The following EYS variants were observed in gnomAD, a reference collection of about 807,000 sequenced individuals.
EYS encodes EGF-like photoreceptor maintenance factor, also known as protein eyes shut homolog.
A neutral mutation model predicts 282.1 loss-of-function variants in EYS; 250 were observed. The ratio of observed to expected loss-of-function variants is 0.89; its 90% CI spans 0.80 to 0.98. The LOEUF is 0.98. Among genes scored for constraint, EYS ranks in the 50% least tolerant of loss-of-function variants. The pLI is 0.00. For synonymous variants in EYS, 1,355 were observed against 1,282.9 expected (o/e 1.06, Z -1.20); for missense variants, 4,016 against 3,709.0 (o/e 1.08, Z -2.15).
chr6:64,136,049 A>T (rs146968406), intron 31 of EYS, among the ~76,000 whole-genome samples: 1 of 152,010 alleles, frequency 6.6e-6, no homozygotes, highest in East Asian at 1.9e-4. Context: ...AAACCTTGCC[A>T]CTGCTTTATC....
chr6:63,844,673 G>T (rs1331428210), intron 36 of EYS, among the ~76,000 whole-genome samples: 1 of 151,238 alleles, frequency 6.6e-6, no homozygotes, highest in African/African-American at 2.4e-5. Flanking sequence ...AGAAGTGTCT[G>T]TTCATATCCT....
intron 2 of EYS, among the ~76,000 whole-genome samples, chr6:65,619,101 T>C (rs1766355438): frequency 6.6e-6 from 1 of 151,808 alleles, no homozygotes; most frequent in African/African-American, 2.4e-5. Context: ...AAGGCATTGG[T>C]AGATTGATTG....
intron 14 of EYS, among the ~76,000 whole-genome samples, chr6:64,959,907 A>G (rs1487947575): frequency 1.4e-5 from 2 of 145,578 alleles, no homozygotes; most frequent in Non-Finnish European, 3.0e-5. Context: ...TTTAAGAAGA[A>G]CCACTGTTAA....
At chr6:65,001,655 C>T (rs963969155) in intron 13 of EYS, among the ~76,000 whole-genome samples, 4 of 147,798 alleles carry the variant, frequency 2.7e-5, no homozygotes, top group Non-Finnish European at 6.1e-5. Context: ...GCATCTTGTA[C>T]CTTCTTCTAC....
intron 35 of EYS, among the ~76,000 whole-genome samples, chr6:63,887,314 G>GTTTTTT (rs35622877): frequency 3.3e-4 from 40 of 120,228 alleles, no homozygotes; most frequent in Admixed American, 3.5e-4. Context: ...AATAAAAGGT[G>GTTTTTT]TTTTTTTTTT....
At chr6:65,075,546 C>T (rs1054863567) in intron 12 of EYS, among the ~76,000 whole-genome samples, 2 of 151,842 alleles carry the variant, frequency 1.3e-5, no homozygotes, top group Non-Finnish European at 2.9e-5. Flanking sequence ...TGAGGAAGTT[C>T]GGGTTAAAGT....
intron 2 of EYS, among the ~76,000 whole-genome samples, chr6:65,619,332 A>C (rs1336427679): frequency 6.6e-6 from 1 of 151,660 alleles, no homozygotes; most frequent in South Asian, 2.1e-4. Flanking sequence ...ATGGGAGTTC[A>C]CTCATGATTT....
chr6:65,582,479 C>G (rs1378621357), intron 2 of EYS, among the ~76,000 whole-genome samples: 1 of 152,126 alleles, frequency 6.6e-6, no homozygotes, highest in Non-Finnish European at 1.5e-5. Flanking sequence ...TTTCAAAGAA[C>G]AAAGGCTAGC....
chr6:64,097,055 T>TGCAGAACA (rs149129463), intron 31 of EYS, among the ~76,000 whole-genome samples: 3,471 of 152,272 alleles, frequency 0.023, 113 homozygotes, highest in African/African-American at 0.07. Context: ...CAGCGGAGGC[T>TGCAGAACA]GCAGAACAGC....
At chr6:64,148,606 G>A (rs1449455969) in intron 31 of EYS, among the ~76,000 whole-genome samples, 1 of 151,888 alleles carries the variant, frequency 6.6e-6, no homozygotes, top group Admixed American at 6.6e-5. Context: ...CCAACTGTTT[G>A]CCTCACTGAC....
chr6:63,861,378 A>T (rs1387999700), intron 36 of EYS, among the ~76,000 whole-genome samples: 3 of 152,322 alleles, frequency 2.0e-5, no homozygotes, highest in Non-Finnish European at 4.4e-5. Flanking sequence ...TGTCCTAGGC[A>T]TAATTATCTT....
intron 26 of EYS, among the ~76,000 whole-genome samples, chr6:64,497,490 A>G (rs1041409149): frequency 6.6e-6 from 1 of 152,148 alleles, no homozygotes; most frequent in Admixed American, 6.6e-5. Flanking sequence ...GATTGCAAGA[A>G]CAAGAAACCC....
chr6:64,793,676 A>T (rs989241655), intron 22 of EYS, among the ~76,000 whole-genome samples: 1 of 152,176 alleles, frequency 6.6e-6, no homozygotes, highest in Non-Finnish European at 1.5e-5. Context: ...AGTGAATATC[A>T]TTGTTCATAG....
At chr6:65,444,133 A>C (rs1768560740) in intron 5 of EYS, among the ~76,000 whole-genome samples, 1 of 152,064 alleles carries the variant, frequency 6.6e-6, no homozygotes, top group Non-Finnish European at 1.5e-5. Context: ...TCAAGGAAAC[A>C]GAGTAGTCAA....
intron 22 of EYS, among the ~76,000 whole-genome samples, chr6:64,699,707 A>G (rs1770713990): frequency 6.6e-6 from 1 of 152,052 alleles, no homozygotes; most frequent in South Asian, 2.1e-4. Flanking sequence ...GCAATAAAAA[A>G]TCTCCCAACC....
chr6:65,568,338 T>C (rs1764356435), intron 2 of EYS, among the ~76,000 whole-genome samples: 1 of 151,006 alleles, frequency 6.6e-6, no homozygotes, highest in South Asian at 2.1e-4. Context: ...CAAGATGGTA[T>C]ATAAGCTTCC....
intron 24 of EYS, among the ~76,000 whole-genome samples, chr6:64,600,934 G>T (rs928418735): frequency 6.6e-6 from 1 of 151,614 alleles, no homozygotes; most frequent in East Asian, 1.9e-4. Context: ...ATGTCTTCTT[G>T]CCACTAGGAC....
At chr6:64,127,447 T>C (rs905872247) in intron 31 of EYS, among the ~76,000 whole-genome samples, 1 of 152,136 alleles carries the variant, frequency 6.6e-6, no homozygotes, top group African/African-American at 2.4e-5. Flanking sequence ...TGGAGTAGAT[T>C]TTTTCCCTTT....
chr6:64,609,304 T>C (rs753686746), intron 24 of EYS, among the ~76,000 whole-genome samples: 2 of 152,122 alleles, frequency 1.3e-5, no homozygotes, highest in African/African-American at 2.4e-5. Flanking sequence ...TGCTAAAACC[T>C]GAAAGATGAG....
Sources: allele counts gnomAD v4.1 joint callset (sites outside exome capture counted in the v4.1 genomes callset), GRCh38; gene constraint gnomAD v4.1.1; transcripts MANE v1.5; gene names NCBI Gene and HGNC (gene_info 2026-07-23, HGNC 2026-07-21).